The following PTPRD variants were observed in gnomAD, a reference collection of about 807,000 sequenced individuals.
The protein encoded by PTPRD is receptor-type tyrosine-protein phosphatase delta.
PTPRD carries 34 observed loss-of-function variants against 214.5 expected under a neutral mutation model. The ratio of observed to expected loss-of-function variants is 0.16; its 90% CI spans 0.12 to 0.21. The LOEUF (loss-of-function observed/expected upper bound fraction) is 0.21. PTPRD is among the 10% of genes least tolerant of loss of function. PTPRD has a pLI of 1.00. For missense variants in PTPRD, 2,545 were observed against 2,398.7 expected (o/e 1.06, Z -1.27); for synonymous variants, 1,128 against 845.7 (o/e 1.33, Z -5.79).
chr9:10,574,604 T>C (rs1481968265), intron 2 of PTPRD, among the ~76,000 whole-genome samples: 1 of 152,052 alleles, frequency 6.6e-6, no homozygotes, highest in Non-Finnish European at 1.5e-5. Flanking sequence ...CATTTGTGGG[T>C]TAATGTTCAT....
At chr9:9,142,891 C>G (rs1199167420) in intron 10 of PTPRD, among the ~76,000 whole-genome samples, 1 of 152,078 alleles carries the variant, frequency 6.6e-6, no homozygotes, top group African/African-American at 2.4e-5. Context: ...GCTTCCTGGT[C>G]TTCTGGCTTC....
intron 2 of PTPRD, among the ~76,000 whole-genome samples, chr9:10,492,761 T>C (rs2040750917): frequency 1.3e-5 from 2 of 152,168 alleles, no homozygotes; most frequent in South Asian, 4.1e-4. Flanking sequence ...CCATTGCTTT[T>C]GGTGTTATTC....
chr9:10,568,199 G>A (rs1184936577), intron 2 of PTPRD, among the ~76,000 whole-genome samples: 1 of 143,850 alleles, frequency 7.0e-6, no homozygotes, highest in Non-Finnish European at 1.5e-5. Flanking sequence ...TCCCACCTAT[G>A]AGTGAGAACA....
intron 3 of PTPRD, among the ~76,000 whole-genome samples, chr9:10,303,879 CA>C (rs1207725118): frequency 6.6e-6 from 1 of 151,776 alleles, no homozygotes; most frequent in African/African-American, 2.4e-5. Context: ...TTCCAAGCAA[CA>C]AAAAAAGATG....
At chr9:9,485,668 A>G (rs2095598873) in intron 8 of PTPRD, among the ~76,000 whole-genome samples, 1 of 152,114 alleles carries the variant, frequency 6.6e-6, no homozygotes, top group African/African-American at 2.4e-5. Context: ...ATCTTCTTCT[A>G]TTATTTTCTT....
At chr9:9,345,504 AT>A (rs35331017) in intron 9 of PTPRD, among the ~76,000 whole-genome samples, 14,432 of 151,718 alleles carry the variant, frequency 0.095, 891 homozygotes, top group Non-Finnish European at 0.14. Flanking sequence ...TAAATAAAAT[AT>A]TTTTTTTACT....
At chr9:10,203,412 C>T (rs1324685838) in intron 3 of PTPRD, among the ~76,000 whole-genome samples, 1 of 151,882 alleles carries the variant, frequency 6.6e-6, no homozygotes, top group Non-Finnish European at 1.5e-5. Context: ...GCTTTGGCTA[C>T]CCCCCAGGAC....
At chr9:8,446,193 G>C (rs867161797) in intron 34 of PTPRD, among the ~76,000 whole-genome samples, 124 of 152,292 alleles carry the variant, frequency 8.1e-4, no homozygotes, top group African/African-American at 2.8e-3. Flanking sequence ...AACTATGTTT[G>C]TGGTACTGCA....
intron 5 of PTPRD, among the ~76,000 whole-genome samples, chr9:9,818,669 G>A (rs1271892418): frequency 1.3e-5 from 2 of 152,014 alleles, no homozygotes; most frequent in Non-Finnish European, 2.9e-5. Context: ...TGTAATCCCA[G>A]CACTTTGGGA....
At chr9:10,205,271 A>T (rs1070129) in intron 3 of PTPRD, among the ~76,000 whole-genome samples, 22,664 of 151,990 alleles carry the variant, frequency 0.15, 2,024 homozygotes, top group East Asian at 0.4. Flanking sequence ...CTTTAAATTT[A>T]TGTAACATAA....
intron 7 of PTPRD, among the ~76,000 whole-genome samples, chr9:9,679,975 C>T (rs985249382): frequency 6.6e-6 from 1 of 151,794 alleles, no homozygotes; most frequent in Non-Finnish European, 1.5e-5. Flanking sequence ...GAATACTTCT[C>T]TTGCTTTTGA....
chr9:9,382,289 C>T (rs551792825), intron 9 of PTPRD, among the ~76,000 whole-genome samples: 3 of 152,160 alleles, frequency 2.0e-5, no homozygotes, highest in African/African-American at 7.2e-5. Flanking sequence ...GGAAAAACTT[C>T]TTGACATTGG....
intron 2 of PTPRD, among the ~76,000 whole-genome samples, chr9:10,356,899 T>A (rs1417084413): frequency 1.3e-5 from 2 of 152,076 alleles, no homozygotes; most frequent in African/African-American, 4.8e-5. Flanking sequence ...CAGGATGGTC[T>A]CAAACTCCTG....
At chr9:9,534,404 G>T (rs7046062) in intron 8 of PTPRD, among the ~76,000 whole-genome samples, 27,279 of 151,898 alleles carry the variant, frequency 0.18, 2,706 homozygotes, top group Middle Eastern at 0.22. Flanking sequence ...AATCTCTCAC[G>T]CCCTTACATT....
At chr9:9,644,028 G>C (rs564180122) in intron 7 of PTPRD, among the ~76,000 whole-genome samples, 2 of 152,180 alleles carry the variant, frequency 1.3e-5, no homozygotes, top group East Asian at 3.9e-4. Context: ...TTTATACATT[G>C]CAAAGATATG....
chr9:8,699,193 T>C (rs1482908405), intron 12 of PTPRD, among the ~76,000 whole-genome samples: 1 of 152,248 alleles, frequency 6.6e-6, no homozygotes, highest in African/African-American at 2.4e-5. Context: ...TTCCTCATTT[T>C]CTTTATGAAA....
At chr9:9,460,536 T>G (rs10816131) in intron 8 of PTPRD, among the ~76,000 whole-genome samples, 25,346 of 151,962 alleles carry the variant, frequency 0.17, 2,152 homozygotes, top group Non-Finnish European at 0.19. Flanking sequence ...GAACAGACAC[T>G]TCTCAAAAGG....
At chr9:10,414,554 G>T (rs2098469136) in intron 2 of PTPRD, among the ~76,000 whole-genome samples, 1 of 151,892 alleles carries the variant, frequency 6.6e-6, no homozygotes, top group African/African-American at 2.4e-5. Flanking sequence ...GCTAAAAACA[G>T]AACTGTGATT....
chr9:8,974,694 C>T (rs981528819), intron 11 of PTPRD, among the ~76,000 whole-genome samples: 9 of 151,792 alleles, frequency 5.9e-5, no homozygotes, highest in Non-Finnish European at 8.8e-5. Flanking sequence ...CATCTATAAC[C>T]GACTTTAGAA....
Sources: allele counts gnomAD v4.1 joint callset (sites outside exome capture counted in the v4.1 genomes callset), GRCh38; gene constraint gnomAD v4.1.1; transcripts MANE v1.5; gene names NCBI Gene and HGNC (gene_info 2026-07-23, HGNC 2026-07-21).